Variants in ACADL observed in about 807,000 individuals in gnomAD.
The protein encoded by ACADL is long-chain specific acyl-CoA dehydrogenase, mitochondrial.
A neutral mutation model predicts 56.9 loss-of-function variants in ACADL; 60 were observed. The observed-to-expected ratio is 1.05, with a 90% CI of 0.86 to 1.31. The LOEUF is 1.31. Ranked by LOEUF, ACADL falls within the 50% of genes most tolerant of loss-of-function variation. The pLI is 0.00. For synonymous variants in ACADL, 158 were observed against 179.7 expected (o/e 0.88, Z 0.97); for missense variants, 484 against 525.5 (o/e 0.92, Z 0.77).
At chr2:210,199,697 T>C (rs549652668) in intron 8 of ACADL, among the ~76,000 whole-genome samples, 2 of 152,274 alleles carry the variant, frequency 1.3e-5, no homozygotes, top group South Asian at 4.1e-4. Flanking sequence ...TCAACTGTTA[T>C]ACCTTTAGCC....
chr2:210,216,936 CA>C (rs933178275), intron 3 of ACADL, among the ~76,000 whole-genome samples: 1 of 149,814 alleles, frequency 6.7e-6, no homozygotes, highest in Admixed American at 6.6e-5. Flanking sequence ...AAAAAAGGAC[CA>C]AAAAACAAAA....
chr2:210,216,257 C>A, intron 4 of ACADL, 90 bp downstream of exon 4: 1 of 1,405,790 alleles, frequency 7.1e-7, no homozygotes, highest in Non-Finnish European at 1.0e-6. Flanking sequence ...TTCCTCCTAG[C>A]ATATAGCTCA....
chr2:210,189,443 T>G (rs1291605079), intron 10 of ACADL, among the ~76,000 whole-genome samples: 1 of 152,126 alleles, frequency 6.6e-6, no homozygotes, highest in Non-Finnish European at 1.5e-5. Flanking sequence ...AAAGTTGAAA[T>G]CCACTGGTTT....
At chr2:210,213,541 A>G (rs1401029477) in intron 4 of ACADL, among the ~76,000 whole-genome samples, 1 of 152,138 alleles carries the variant, frequency 6.6e-6, no homozygotes, top group Admixed American at 6.6e-5. Flanking sequence ...CAAAGGAAAT[A>G]AAGGTAATGA....
At chr2:210,201,856 C>G (rs1328884141) in intron 8 of ACADL, among the ~76,000 whole-genome samples, 1 of 152,164 alleles carries the variant, frequency 6.6e-6, no homozygotes, top group African/African-American at 2.4e-5. Flanking sequence ...CAAAAACCCT[C>G]AAGTTCCTGG....
At chr2:210,223,993 C>A (rs1460074998) in intron 1 of ACADL, among the ~76,000 whole-genome samples, 1 of 151,784 alleles carries the variant, frequency 6.6e-6, no homozygotes, top group African/African-American at 2.4e-5. Flanking sequence ...TTTGGGAGAC[C>A]GAGGCGGGCA....
At chr2:210,190,677 A>T (rs1688616750) in intron 10 of ACADL, among the ~76,000 whole-genome samples, 1 of 152,058 alleles carries the variant, frequency 6.6e-6, no homozygotes, top group African/African-American at 2.4e-5. Context: ...AAATAAACCC[A>T]CATGCTGAAG....
intron 5 of ACADL, among the ~76,000 whole-genome samples, chr2:210,208,253 G>A (rs925524708): frequency 1.3e-5 from 2 of 152,154 alleles, no homozygotes; most frequent in African/African-American, 4.8e-5. Flanking sequence ...AATTCATTGG[G>A]CAAAAACTAT....
rs1165893589 is a variant in ACADL, at chr2:210,225,429, G to A, written c.-166C>T. 4.3e-6 allele frequency: 3 copies of A among 693,966 alleles called. No individual in the cohort carries two copies. The highest frequency in any genetic ancestry group is 3.0e-5 in the Admixed American group (1 of 33,594). The allele number at this position is 693,966 out of a possible 1,614,324, so 43.0% of individuals were successfully genotyped here. On this transcript the variant is annotated 5_prime_UTR_variant, in exon 1 of 11. Coordinates refer to ENST00000233710, the MANE Select transcript of ACADL (RefSeq NM_001608.4). ...TTCCGGAGCCCCAACCACGCCACAG[G>A]CTGGTCGCGAGGGAATACGCCCGTC... is the stretch of plus-strand genomic sequence containing the variant.
chr2:210,208,344 G>C (rs537072080), intron 5 of ACADL, among the ~76,000 whole-genome samples: 2 of 152,296 alleles, frequency 1.3e-5, no homozygotes, highest in East Asian at 3.9e-4. Flanking sequence ...TATAGCAAAG[G>C]ATTAATAAAA....
At chr2:210,219,696 C>T (rs999815277) in intron 2 of ACADL, among the ~76,000 whole-genome samples, 1 of 152,140 alleles carries the variant, frequency 6.6e-6, no homozygotes, top group Admixed American at 6.5e-5. Context: ...GTTCAACTTA[C>T]AATTTTTTTA....
chr2:210,197,699 C>G (rs1013188609), intron 8 of ACADL, among the ~76,000 whole-genome samples: 40 of 152,110 alleles, frequency 2.6e-4, no homozygotes, highest in Admixed American at 2.6e-3. Context: ...GGAATTTATG[C>G]ACTGTCTTTA....
At chr2:210,210,565 C>T (rs1448519343) in intron 4 of ACADL, among the ~76,000 whole-genome samples, 5 of 152,140 alleles carry the variant, frequency 3.3e-5, no homozygotes, top group African/African-American at 1.2e-4. Context: ...CATTTCAAAC[C>T]TCACTGTATC....
intron 5 of ACADL, among the ~76,000 whole-genome samples, chr2:210,207,813 A>G (rs1405984542): frequency 6.6e-6 from 1 of 152,188 alleles, no homozygotes; most frequent in African/African-American, 2.4e-5. Context: ...AGGTGACACA[A>G]TAATAAAAGA....
intron 3 of ACADL, chr2:210,217,714 A>G: frequency 2.2e-6 from 1 of 460,174 alleles, no homozygotes. Flanking sequence ...AAGCATTGAC[A>G]GGAAAAAAAA....
intron 5 of ACADL, among the ~76,000 whole-genome samples, chr2:210,207,594 G>T (rs1688908723): frequency 6.6e-6 from 1 of 152,054 alleles, no homozygotes; most frequent in South Asian, 2.1e-4. Context: ...CTCCAGGCTG[G>T]GTTAAGCGGT....
rs551616576 is a variant in ACADL, at chr2:210,193,393, A to G, written c.1113-503T>C. Among the ~76,000 whole-genome samples the G allele has an allele frequency of 2.6e-4, 39 of 152,318 alleles. 1 individual carries two copies. The South Asian group carries it at 8.1e-3, about 32-fold the overall frequency. On this transcript the variant is annotated intron_variant, in intron 9 of 10. Coordinates refer to ENST00000233710, the MANE Select transcript of ACADL (RefSeq NM_001608.4). ...ACTTTTCAGAAATAAATTGAAGATA[A>G]AAGTGAAAACCTAAGAGGGCAGACT...
chr2:210,222,359 A>G (rs1411574032), intron 1 of ACADL, among the ~76,000 whole-genome samples: 2 of 152,076 alleles, frequency 1.3e-5, no homozygotes, highest in African/African-American at 4.8e-5. Context: ...AGGTTGCCGT[A>G]TGAAATAATG....
At position 210,195,124 on chromosome 2, in the gene ACADL, T is replaced by C. The variant is rs1289033745; in HGVS notation, c.1112+87A>G. On this transcript the variant is annotated intron_variant, in intron 9 of 10. Coordinates refer to ENST00000233710, the MANE Select transcript of ACADL (RefSeq NM_001608.4). ...TTTTCATTTCACAGATTTCTTCCTT[T>C]AAGACCCTCAAGGCTGAGCTTAAAA... 2.6e-6 allele frequency: 4 copies of C among 1,554,606 alleles called. No individual in the cohort carries two copies. In the East Asian group the frequency reaches 9.0e-5, roughly 35 times the overall value.
Sources: gnomAD v4.1 joint callset for allele counts (sites outside exome capture counted in the v4.1 genomes callset) on GRCh38, gnomAD v4.1.1 for gene constraint, MANE v1.5 for transcripts, NCBI Gene and HGNC (gene_info 2026-07-23, HGNC 2026-07-21) for gene names.